The following HSD17B4 variants were observed in gnomAD, a reference collection of about 807,000 sequenced individuals.
The protein encoded by HSD17B4 is hydroxysteroid 17-beta dehydrogenase 4, also known as peroxisomal multifunctional enzyme type 2.
A neutral mutation model predicts 101.0 loss-of-function variants in HSD17B4; 70 were observed. The ratio of observed to expected loss-of-function variants is 0.69; its 90% confidence interval spans 0.57 to 0.85. HSD17B4 has a LOEUF of 0.85. HSD17B4 is among the 40% of genes least tolerant of loss of function. HSD17B4 has a pLI of 0.00. For synonymous variants in HSD17B4, 347 were observed against 297.1 expected, an observed-to-expected ratio of 1.17 and a Z score of -1.73; for missense variants, 984 against 892.4, an observed-to-expected ratio of 1.10 and a Z score of -1.31.
chr5:119,513,283 T>G (rs1474702130), intron 16 of HSD17B4, among the ~76,000 whole-genome samples: 2 of 152,242 alleles, frequency 1.3e-5, no homozygotes, highest in Non-Finnish European at 2.9e-5. Context: ...TTAGTGAAGA[T>G]ATTATTTTAG....
In HSD17B4 at chr5:119,502,101, T is replaced by A. The variant is rs753184910; in HGVS notation, c.1261+9T>A. On this transcript the variant is annotated intron_variant, in intron 14 of 23. Transcript: ENST00000510025. ...ACCACTTCCCAGAGCAGGTGAGTTATTGATATACTAATTCCATAATACCAT... is the reference window on the plus strand; with the variant it reads ...ACCACTTCCCAGAGCAGGTGAGTTAATGATATACTAATTCCATAATACCAT... 1 of 1,523,084 alleles carries A rather than the reference T, an allele frequency of 6.6e-7. No individual in the cohort carries two copies. The highest frequency in any genetic ancestry group is 9.1e-7 in the Non-Finnish European group (1 of 1,097,328). The allele number at this position is 1,523,084 out of a possible 1,614,324, so 94.3% of individuals were successfully genotyped here.
intron 21 of HSD17B4, among the ~76,000 whole-genome samples, chr5:119,530,331 G>A (rs553808617): frequency 6.6e-6 from 1 of 152,088 alleles, no homozygotes; most frequent in East Asian, 1.9e-4. Flanking sequence ...TGATTTAAAG[G>A]TTTATATAAA....
intron 2 of HSD17B4, among the ~76,000 whole-genome samples, chr5:119,463,284 C>G (rs190450355): frequency 1.3e-5 from 2 of 152,130 alleles, no homozygotes; most frequent in Non-Finnish European, 2.9e-5. Context: ...GGTTCCATAT[C>G]TTGACTATTG....
At chr5:119,457,747 C>T (rs1754817346) in intron 2 of HSD17B4, among the ~76,000 whole-genome samples, 1 of 152,158 alleles carries the variant, frequency 6.6e-6, no homozygotes, top group Non-Finnish European at 1.5e-5. Flanking sequence ...TGCTCAATTC[C>T]ATAACGGCAA....
At chr5:119,480,599 C>T (rs990753121) in intron 8 of HSD17B4, among the ~76,000 whole-genome samples, 12 of 152,046 alleles carry the variant, frequency 7.9e-5, no homozygotes, top group African/African-American at 2.9e-4. Context: ...AGGACTGAGG[C>T]GAAATTAAAA....
intron 17 of HSD17B4, among the ~76,000 whole-genome samples, chr5:119,519,922 A>T (rs1213592153): frequency 6.6e-6 from 1 of 152,198 alleles, no homozygotes; most frequent in Non-Finnish European, 1.5e-5. Context: ...TGGTCTCATA[A>T]TCTGAGATAT....
intron 8 of HSD17B4, among the ~76,000 whole-genome samples, chr5:119,488,204 A>G (rs1749779284): frequency 6.6e-6 from 1 of 152,134 alleles, no homozygotes; most frequent in East Asian, 1.9e-4. Flanking sequence ...TAGCTTACTG[A>G]TGAAGATACA....
intron 8 of HSD17B4, among the ~76,000 whole-genome samples, chr5:119,485,248 A>G (rs2126726811): frequency 6.6e-6 from 1 of 152,268 alleles, no homozygotes; most frequent in African/African-American, 2.4e-5. Flanking sequence ...GTACGTTTTC[A>G]AGAAAGTACT....
In HSD17B4 at chr5:119,529,913, T is replaced by C. The variant is rs1753913566; in HGVS notation, c.1787T>C (p.Ile596Thr). 1.2e-6 allele frequency: 2 copies of C among 1,604,974 alleles called. No homozygotes were observed. The highest frequency in any genetic ancestry group is 1.1e-5 in the South Asian group (1 of 90,930). The change falls in exon 21 of 24, where the codon ATT becomes ACT. Residue 596 changes from isoleucine (I) to threonine (T), a missense_variant. Ile to Thr is a moderately conservative substitution (Grantham distance 89). Coordinates refer to ENST00000510025, the MANE Select transcript of HSD17B4 (RefSeq NM_000414.4). ...FQTKVQETGD[I>T]VISNAYVDLA... ...CCTAAGGTCCAAGAAACTGGAGACA[T>C]TGTCATTTCAAATGCATATGTGGAT...
Position 119,525,941 on chromosome 5 carries a change from G to T in HSD17B4, c.1598G>T (p.Gly533Val). ...LAGFDKPILHGLCTFGFSARR... is the reference protein window; with the variant it reads ...LAGFDKPILHVLCTFGFSARR... ...GGTTTTGACAAGCCCATATTACATG[G>T]ATTATGTACATTTGGATTTTCTGCC... The change falls in exon 19 of 24, where the codon GGA (glycine) becomes GTA (valine). Residue 533 changes from glycine (G) to valine (V), a missense_variant. Transcript: ENST00000510025. The T allele has an allele frequency of 6.2e-7, 1 of 1,609,252 alleles. No individual in the cohort carries two copies. The highest frequency in any genetic ancestry group is 8.5e-7 in the Non-Finnish European group (1 of 1,175,978).
At chr5:119,484,359 C>A (rs927170901) in intron 8 of HSD17B4, among the ~76,000 whole-genome samples, 4 of 152,122 alleles carry the variant, frequency 2.6e-5, no homozygotes, top group African/African-American at 9.7e-5. Flanking sequence ...CTGTTCTATT[C>A]CATTGATCTG....
intron 2 of HSD17B4, among the ~76,000 whole-genome samples, chr5:119,462,559 A>G (rs904651801): frequency 5.9e-5 from 9 of 152,020 alleles, no homozygotes; most frequent in Non-Finnish European, 1.0e-4. Context: ...ACATATCAGT[A>G]TAAGTTATTA....
At chr5:119,524,771 G>A (rs551928380) in intron 17 of HSD17B4, among the ~76,000 whole-genome samples, 413 of 152,232 alleles carry the variant, frequency 2.7e-3, no homozygotes, top group African/African-American at 9.5e-3. Context: ...CAGAATGAAA[G>A]TTAGTGAGAA....
intron 14 of HSD17B4, 64 bp downstream of exon 14, chr5:119,502,156 A>G: frequency 9.5e-7 from 1 of 1,051,636 alleles, no homozygotes; most frequent in Non-Finnish European, 1.5e-6. Context: ...CCTTTTAAAC[A>G]ACATCAGTGT....
At chr5:119,525,713 G>GTTTTTTTTTTTTTTTTT in intron 18 of HSD17B4, 6 of 484,014 alleles carry the variant, frequency 1.2e-5, no homozygotes, top group Admixed American at 7.3e-5. Context: ...TTCCTGTTTT[G>GTTTTTTTTTTTTTTTTT]TTTTTTTTTT....
rs762613990 is a variant in HSD17B4, at chr5:119,456,324, G to A, written c.68G>A (p.Arg23Gln). Residue 23 changes from arginine (R) to glutamine (Q), a missense_variant, in exon 2 of 24, where the codon CGA becomes CAA. Physicochemically the swap from Arg to Gln is conservative, Grantham distance 43. Transcript: ENST00000510025. ...LVTGAGAGLGRAYALAFAERG... is the reference protein window; with the variant it reads ...LVTGAGAGLGQAYALAFAERG... ...TTTTGTTTTTGATTAGGATTGGGCC[G>A]AGCCTATGCCCTGGCTTTTGCAGAA... 2.9e-5 allele frequency: 47 copies of A among 1,610,832 alleles called. No homozygotes were observed. The highest frequency in any genetic ancestry group is 7.7e-5 in the South Asian group (7 of 91,028).
At chr5:119,456,727 ATGGCGC>A in intron 2 of HSD17B4, 1 of 260,940 alleles carries the variant, frequency 3.8e-6, no homozygotes, top group Non-Finnish European at 7.4e-6. Context: ...AATCTGGGTG[ATGGCGC>A]AAAAAAAACC....
intron 16 of HSD17B4, among the ~76,000 whole-genome samples, chr5:119,514,018 C>T (rs1304743557): frequency 6.6e-6 from 1 of 152,058 alleles, no homozygotes; most frequent in Non-Finnish European, 1.5e-5. Context: ...AAAGACTGCT[C>T]GGGACCTATA....
Position 119,541,981 on chromosome 5 carries a change from A to G in HSD17B4, c.2198A>G (p.Tyr733Cys), listed in dbSNP as rs758025692. 14 of 1,610,278 alleles carry G rather than the reference A, an allele frequency of 8.7e-6. No homozygotes were observed. In the East Asian group the frequency reaches 1.6e-4, roughly 18 times the overall value. ...SQKLQMILKDYAKL is the reference protein window; with the variant it reads ...SQKLQMILKDCAKL ...AAACTTCAGATGATTCTTAAAGACT[A>G]CGCCAAGCTCTGAAGGGCACACTAC... is the stretch of plus-strand genomic sequence containing the variant. The change falls in exon 24 of 24, where the codon TAC (tyrosine) becomes TGC (cysteine). Residue 733 changes from tyrosine (Y) to cysteine (C), a missense_variant. By Grantham distance (194) the Tyr-to-Cys change is radical. Coordinates refer to ENST00000510025, the MANE Select transcript of HSD17B4 (RefSeq NM_000414.4).
Sources: gnomAD v4.1 joint callset for allele counts (sites outside exome capture counted in the v4.1 genomes callset) on GRCh38, gnomAD v4.1.1 for gene constraint, MANE v1.5 for transcripts, NCBI Gene and HGNC (gene_info 2026-07-23, HGNC 2026-07-21) for gene names.